Variants in ESR1 observed in about 807,000 individuals in gnomAD.
ESR1 encodes estrogen receptor 1, also known as estrogen receptor.
ESR1 carries 12 observed loss-of-function variants against 52.7 expected under a neutral mutation model. That is an observed-to-expected ratio of 0.23 (90% CI 0.15 to 0.37). The LOEUF is 0.37. ESR1 is among the 10% of genes least tolerant of loss of function. ESR1 has a pLI of 1.00. For synonymous variants in ESR1, 305 were observed against 316.8 expected, an observed-to-expected ratio of 0.96 and a Z score of 0.39; for missense variants, 584 against 779.7, an observed-to-expected ratio of 0.75 and a Z score of 2.99.
chr6:151,705,924 A>C (rs183820768), intron 2 of ESR1, among the ~76,000 whole-genome samples: 11 of 152,288 alleles, frequency 7.2e-5, no homozygotes, highest in African/African-American at 2.4e-4. Context: ...TGGTCTGTCT[A>C]CCTAACAAGG....
intron 3 of ESR1, among the ~76,000 whole-genome samples, chr6:151,916,254 C>T (rs1331974023): frequency 6.6e-6 from 1 of 152,106 alleles, no homozygotes; most frequent in South Asian, 2.1e-4. Flanking sequence ...AGAAAAGGAA[C>T]GTGGAATTTC....
intron 4 of ESR1, among the ~76,000 whole-genome samples, chr6:151,982,817 G>T (rs532731302): frequency 6.6e-6 from 1 of 151,938 alleles, no homozygotes; most frequent in African/African-American, 2.4e-5. Flanking sequence ...CAACTATTTT[G>T]CATTCTTTGT....
chr6:151,752,183 G>A (rs9322330), intron 2 of ESR1, among the ~76,000 whole-genome samples: 10,875 of 152,204 alleles, frequency 0.071, 713 homozygotes, highest in East Asian at 0.27. Flanking sequence ...CCAATTAGCA[G>A]TAAGTGCCAT....
At chr6:152,027,388 C>A (rs1390838419) in intron 5 of ESR1, among the ~76,000 whole-genome samples, 2 of 152,148 alleles carry the variant, frequency 1.3e-5, no homozygotes, top group Non-Finnish European at 2.9e-5. Flanking sequence ...TATTTAATGT[C>A]CACCTTCAGA....
intron 1 of ESR1, among the ~76,000 whole-genome samples, chr6:151,661,377 A>C (rs1279780300): frequency 6.6e-6 from 1 of 152,184 alleles, no homozygotes; most frequent in African/African-American, 2.4e-5. Context: ...TTTAGCCTGC[A>C]TTCTGTTCCC....
In ESR1 at chr6:152,002,644, AT is replaced by A. The variant is rs1174913115; in HGVS notation, c.1097-9006del. Among the ~76,000 whole-genome samples, 4 of 151,934 alleles carry A rather than the reference AT, an allele frequency of 2.6e-5. No homozygotes were observed. In the East Asian group the frequency reaches 7.8e-4, roughly 29 times the overall value. On this transcript the variant is annotated intron_variant, in intron 4 of 7. Coordinates refer to ENST00000206249, the MANE Select transcript of ESR1 (RefSeq NM_000125.4). Reference sequence around the variant, plus strand: ...AAGTACTTTACTTCATAGTTTATTAATTTTTTCCCTTCTTTAGTTTGCAATC... The same window carrying A: ...AAGTACTTTACTTCATAGTTTATTAATTTTTCCCTTCTTTAGTTTGCAATC...
chr6:151,665,088 G>T (rs1352468016), intron 1 of ESR1, among the ~76,000 whole-genome samples: 1 of 152,134 alleles, frequency 6.6e-6, no homozygotes, highest in Non-Finnish European at 1.5e-5. Flanking sequence ...ATCAAATCAA[G>T]TTTTGTGAAC....
intron 6 of ESR1, among the ~76,000 whole-genome samples, chr6:152,092,743 C>A (rs1276067596): frequency 6.6e-6 from 1 of 152,152 alleles, no homozygotes; most frequent in East Asian, 1.9e-4. Context: ...GAAAATGCAT[C>A]CTTGTAGTCC....
intron 5 of ESR1, among the ~76,000 whole-genome samples, chr6:152,026,829 G>A (rs566794208): frequency 1.8e-4 from 28 of 152,092 alleles, no homozygotes; most frequent in African/African-American, 6.0e-4. Flanking sequence ...TAGTAATAAC[G>A]CAGTGTTAAA....
At chr6:152,014,170 T>C (rs533119153) in intron 5 of ESR1, among the ~76,000 whole-genome samples, 67 of 152,164 alleles carry the variant, frequency 4.4e-4, no homozygotes, top group Non-Finnish European at 8.5e-4. Flanking sequence ...CACAAGGAAC[T>C]GTGAGTCCAT....
Position 151,880,697 on chromosome 6 carries a change from T to C in ESR1, c.686T>C (p.Ile229Thr), listed in dbSNP as rs760766066. ...TGTCCAGCCACCAACCAGTGCACCA[T>C]TGATAAAAACAGGAGGAAGAGCTGC... ...YMCPATNQCT[I>T]DKNRRKSCQA... Residue 229 changes from isoleucine to threonine, a missense_variant, in exon 3 of 8, where the codon ATT becomes ACT. Coordinates refer to ENST00000206249, the MANE Select transcript of ESR1 (RefSeq NM_000125.4). 6.2e-7 allele frequency: 1 copy of C among 1,613,290 alleles called. No homozygotes were observed. Among genetic ancestry groups the C allele is most frequent in the Non-Finnish European group, 8.5e-7 (1 of 1,179,216 alleles).
chr6:151,838,508 G>A (rs1016190471), intron 1 of ESR1, among the ~76,000 whole-genome samples: 1 of 152,172 alleles, frequency 6.6e-6, no homozygotes, highest in Non-Finnish European at 1.5e-5. Flanking sequence ...GTGTTAGTCT[G>A]TATTCTGAGG....
At chr6:151,882,640 C>T (rs1793136375) in intron 3 of ESR1, among the ~76,000 whole-genome samples, 2 of 152,076 alleles carry the variant, frequency 1.3e-5, no homozygotes, top group African/African-American at 4.8e-5. Flanking sequence ...GTAGGTTAAG[C>T]ACAGGCTCTT....
At chr6:152,054,956 A>G (rs889109778) in intron 5 of ESR1, among the ~76,000 whole-genome samples, 3 of 152,198 alleles carry the variant, frequency 2.0e-5, no homozygotes, top group African/African-American at 7.2e-5. Flanking sequence ...GTCATTTGGG[A>G]GCAATGTCTA....
At chr6:151,801,853 C>T (rs1188948610), upstream of ESR1, among the ~76,000 whole-genome samples, 1 of 152,176 alleles carries the variant, frequency 6.6e-6, no homozygotes, top group Non-Finnish European at 1.5e-5. Context: ...CCTGCATGCC[C>T]AGCACTTTGC....
At chr6:151,804,132 G>A (rs1173860632), upstream of ESR1, among the ~76,000 whole-genome samples, 1 of 152,146 alleles carries the variant, frequency 6.6e-6, no homozygotes, top group African/African-American at 2.4e-5. Flanking sequence ...GAGGAAAGTC[G>A]GCGTAGCACA....
Position 151,965,580 on chromosome 6 carries a change from A to G in ESR1, c.1096+21072A>G, listed in dbSNP as rs76600632. Among the ~76,000 whole-genome samples, 244 of 152,100 alleles carry G rather than the reference A, an allele frequency of 1.6e-3. 1 individual carries two copies. The East Asian group carries it at 0.028, about 18-fold the overall frequency. On this transcript the variant is annotated intron_variant, in intron 4 of 7. Transcript: ENST00000206249. ...CTTTCCTTTCACTTTCCTACCCTCT[A>G]CCTACTTAATGAGTTCGATTATAGT... is the stretch of plus-strand genomic sequence containing the variant.
At chr6:152,037,018 G>T (rs1324155088) in intron 5 of ESR1, among the ~76,000 whole-genome samples, 2 of 152,238 alleles carry the variant, frequency 1.3e-5, no homozygotes, top group African/African-American at 4.8e-5. Flanking sequence ...GTGTTTACCA[G>T]TTGTTTCCAG....
chr6:151,763,072 AAT>A (rs1328362407), intron 2 of ESR1, among the ~76,000 whole-genome samples: 7 of 152,048 alleles, frequency 4.6e-5, no homozygotes, highest in African/African-American at 1.7e-4. Flanking sequence ...ATATAAAATT[AAT>A]ATGTTAAAAT....
Sources: allele counts gnomAD v4.1 joint callset (sites outside exome capture counted in the v4.1 genomes callset), GRCh38; gene constraint gnomAD v4.1.1; transcripts MANE v1.5; gene names NCBI Gene and HGNC (gene_info 2026-07-23, HGNC 2026-07-21).